CCDC170: variants seen among roughly 807,000 people sequenced by gnomAD.
CCDC170 encodes the protein coiled-coil domain-containing protein 170.
A neutral mutation model predicts 72.6 loss-of-function variants in CCDC170; 69 were observed. The ratio of observed to expected loss-of-function variants is 0.95; its 90% CI spans 0.78 to 1.16. The LOEUF is 1.16. Ranked by LOEUF, CCDC170 falls within the 50% of genes most tolerant of loss-of-function variation. CCDC170 has a pLI of 0.00. For synonymous variants in CCDC170, 300 were observed against 303.9 expected (o/e 0.99, Z 0.13); for missense variants, 852 against 832.5 (o/e 1.02, Z -0.29).
chr6:151,594,162 A>G (rs1052397852), intron 8 of CCDC170, among the ~76,000 whole-genome samples: 3 of 152,210 alleles, frequency 2.0e-5, no homozygotes, highest in Non-Finnish European at 4.4e-5. Flanking sequence ...ATAGGAAAAC[A>G]CAGATGTATT....
chr6:151,589,697 C>A (rs1776505347), intron 7 of CCDC170, among the ~76,000 whole-genome samples: 1 of 152,194 alleles, frequency 6.6e-6, no homozygotes, highest in African/African-American at 2.4e-5. Flanking sequence ...TCATTGCTGC[C>A]AGGGAGGTCT....
chr6:151,505,683 CA>C (rs1208841275), intron 1 of CCDC170, among the ~76,000 whole-genome samples: 25 of 141,300 alleles, frequency 1.8e-4, no homozygotes, highest in Admixed American at 2.8e-4. Context: ...GACTCCGTCT[CA>C]AAAAAAAAAA....
intron 5 of CCDC170, among the ~76,000 whole-genome samples, chr6:151,550,206 C>T (rs866827693): frequency 3.9e-5 from 6 of 152,108 alleles, no homozygotes; most frequent in Admixed American, 6.6e-5. Context: ...AAAGCAAAAA[C>T]GAGCTTATAC....
Position 151,586,419 on chromosome 6 carries a change from CAT to C in CCDC170, c.1293+331_1293+332del, listed in dbSNP as rs200021647. Among the ~76,000 whole-genome samples, 592 of 152,234 alleles carry C rather than the reference CAT, an allele frequency of 3.9e-3. 7 individuals are homozygous for C. Among genetic ancestry groups the C allele is most frequent in the African/African-American group, 0.014 (566 of 41,538 alleles). On this transcript the variant is annotated intron_variant, in intron 7 of 10. Coordinates refer to ENST00000239374, the MANE Select transcript of CCDC170 (RefSeq NM_025059.4). ...TAATTTGCTGTACTATAAGTTTACA[CAT>C]GTTATATGTATTGAATTAATAAAGT... is the stretch of plus-strand genomic sequence containing the variant.
rs568421172 is a variant in CCDC170, at chr6:151,581,945, A to G, written c.1093-3944A>G. Among the ~76,000 whole-genome samples the G allele has an allele frequency of 1.6e-4, 25 of 152,322 alleles. No homozygotes were observed. In the South Asian group the frequency reaches 5.0e-3, roughly 30 times the overall value. On this transcript the variant is annotated intron_variant, in intron 6 of 10. Coordinates refer to ENST00000239374, the MANE Select transcript of CCDC170 (RefSeq NM_025059.4). Reference sequence around the variant, plus strand: ...AAATATTCAGTAAAACTTGATGTGAACAGATGTGCTGTCATCCAGCTTTGC... The same window carrying G: ...AAATATTCAGTAAAACTTGATGTGAGCAGATGTGCTGTCATCCAGCTTTGC...
At chr6:151,547,990 C>T (rs1782803804) in intron 4 of CCDC170, among the ~76,000 whole-genome samples, 1 of 152,240 alleles carries the variant, frequency 6.6e-6, no homozygotes, top group African/African-American at 2.4e-5. Context: ...TCCCTTGCTT[C>T]ATCGCCTACT....
At chr6:151,579,529 G>C (rs1336081391) in intron 6 of CCDC170, among the ~76,000 whole-genome samples, 1 of 152,068 alleles carries the variant, frequency 6.6e-6, no homozygotes, top group African/African-American at 2.4e-5. Context: ...AGCGATCTAC[G>C]TATTAGTGGT....
At chr6:151,541,884 A>ACAT (rs1782696901) in intron 3 of CCDC170, among the ~76,000 whole-genome samples, 1 of 32,060 alleles carries the variant, frequency 3.1e-5, no homozygotes, top group East Asian at 6.1e-4. Flanking sequence ...ATATATATAT[A>ACAT]TATTTTTTTT....
At chr6:151,613,180 G>A (rs1776902057) in intron 9 of CCDC170, among the ~76,000 whole-genome samples, 1 of 152,146 alleles carries the variant, frequency 6.6e-6, no homozygotes, top group South Asian at 2.1e-4. Context: ...GAGGCGAGAG[G>A]ATCACTTGAG....
chr6:151,504,489 A>T (rs1292216105), intron 1 of CCDC170, among the ~76,000 whole-genome samples: 1 of 152,200 alleles, frequency 6.6e-6, no homozygotes, highest in Non-Finnish European at 1.5e-5. Flanking sequence ...TACCAATAAA[A>T]AATAATTGGT....
intron 9 of CCDC170, among the ~76,000 whole-genome samples, chr6:151,601,645 C>T (rs1229249073): frequency 6.6e-6 from 1 of 152,086 alleles, no homozygotes; most frequent in Non-Finnish European, 1.5e-5. Context: ...AGAATTGGCT[C>T]ATGCAATTAT....
chr6:151,583,323 C>T (rs114131253), intron 6 of CCDC170, among the ~76,000 whole-genome samples: 1,803 of 151,804 alleles, frequency 0.012, 34 homozygotes, highest in African/African-American at 0.04. Flanking sequence ...CCTTCAAGAA[C>T]GCTTCCTTTC....
intron 7 of CCDC170, among the ~76,000 whole-genome samples, chr6:151,588,936 AAAAC>A (rs371404673): frequency 3.1e-4 from 47 of 152,030 alleles, no homozygotes; most frequent in African/African-American, 9.2e-4. Flanking sequence ...ACCCCGTCTC[AAAAC>A]AAACAAACAA....
At chr6:151,532,436 G>C (rs929475444) in intron 1 of CCDC170, among the ~76,000 whole-genome samples, 1 of 151,874 alleles carries the variant, frequency 6.6e-6, no homozygotes, top group African/African-American at 2.4e-5. Flanking sequence ...GTGAAACCCT[G>C]TCTCTACTAA....
intron 10 of CCDC170, 125 bp downstream of exon 10, chr6:151,615,804 T>G: frequency 7.9e-6 from 6 of 754,936 alleles, no homozygotes; most frequent in Non-Finnish European, 1.1e-5. Context: ...AATTTGTATG[T>G]CATCGTTTTA....
At chr6:151,568,840 A>T (rs77557046) in intron 5 of CCDC170, among the ~76,000 whole-genome samples, 2,818 of 152,310 alleles carry the variant, frequency 0.019, 99 homozygotes, top group African/African-American at 0.064. Context: ...TACATATCAA[A>T]GAATATTCAT....
chr6:151,583,028 T>C (rs1776400494), intron 6 of CCDC170, among the ~76,000 whole-genome samples: 1 of 139,768 alleles, frequency 7.2e-6, no homozygotes, highest in Non-Finnish European at 1.5e-5. Context: ...AGTCTTGCTC[T>C]GTCACCCAGG....
intron 1 of CCDC170, among the ~76,000 whole-genome samples, chr6:151,533,593 G>T (rs931195764): frequency 6.6e-6 from 1 of 151,364 alleles, no homozygotes; most frequent in Non-Finnish European, 1.5e-5. Flanking sequence ...CTTGAACCTA[G>T]GAGGTGGAGG....
intron 1 of CCDC170, among the ~76,000 whole-genome samples, chr6:151,527,466 G>C (rs1482587545): frequency 6.6e-6 from 1 of 152,160 alleles, no homozygotes; most frequent in African/African-American, 2.4e-5. Flanking sequence ...GGCCAGGAAA[G>C]TCCTCCCAAG....
Sources: allele counts gnomAD v4.1 joint callset (sites outside exome capture counted in the v4.1 genomes callset), GRCh38; gene constraint gnomAD v4.1.1; transcripts MANE v1.5; gene names NCBI Gene and HGNC (gene_info 2026-07-23, HGNC 2026-07-21).